TRHDE: variants seen among roughly 807,000 people sequenced by gnomAD.
TRHDE encodes the protein thyrotropin-releasing hormone-degrading ectoenzyme.
Under a neutral mutation model 125.7 loss-of-function variants are expected in TRHDE, and 72 were observed. The ratio of observed to expected loss-of-function variants is 0.57; its 90% CI spans 0.47 to 0.70. The LOEUF (loss-of-function observed/expected upper bound fraction) is 0.70, where lower values mean the gene tolerates loss of function less well. Ranked by LOEUF, TRHDE falls within the 30% of genes least tolerant of loss-of-function variation. TRHDE has a pLI of 0.00. For synonymous variants in TRHDE, 509 were observed against 509.1 expected, an observed-to-expected ratio of 1.00 and a Z score of 0.00; for missense variants, 1,110 against 1,327.1, an observed-to-expected ratio of 0.84 and a Z score of 2.54.
intron 16 of TRHDE, 127 bp from the exon 17 acceptor site, chr12:72,652,889 A>G (rs1874561228): frequency 1.8e-6 from 1 of 563,308 alleles, no homozygotes; most frequent in Non-Finnish European, 2.9e-6. Flanking sequence ...ATAAGTTTGC[A>G]TTATTAAAGA....
intron 3 of TRHDE, among the ~76,000 whole-genome samples, chr12:72,465,245 G>A (rs1239546543): frequency 1.3e-5 from 2 of 151,610 alleles, no homozygotes; most frequent in Non-Finnish European, 2.9e-5. Context: ...GTACAGTAAT[G>A]TACAGTAAGC....
intron 6 of TRHDE, among the ~76,000 whole-genome samples, chr12:72,507,978 A>G (rs1042526920): frequency 3.9e-5 from 6 of 152,208 alleles, no homozygotes; most frequent in Non-Finnish European, 7.3e-5. Context: ...GGTGTAAGCC[A>G]TAACTCTTGG....
chr12:72,240,329 T>TTG (rs1448712895), intron 2 of TRHDE, among the ~76,000 whole-genome samples: 10 of 137,686 alleles, frequency 7.3e-5, no homozygotes. Flanking sequence ...ATATATATAT[T>TTG]TGTGTGTATA....
intron 5 of TRHDE, among the ~76,000 whole-genome samples, chr12:72,490,166 G>T (rs1877597687): frequency 6.6e-6 from 1 of 151,712 alleles, no homozygotes; most frequent in African/African-American, 2.4e-5. Context: ...TGAAAAATGA[G>T]CAGAAGACCA....
rs540434017 is a variant in TRHDE at position 72,373,777 on chromosome 12, G to A, written c.1189-4218G>A. Among the ~76,000 whole-genome samples the A allele has an allele frequency of 7.2e-5, 11 of 152,266 alleles. No homozygotes were observed. In the East Asian group the frequency reaches 1.7e-3, roughly 24 times the overall value. ...AGAATCTCTCTGGTATGTTTGAGGA[G>A]TGAAAAGGAAGCTAGTGTTATGAGT... On this transcript the variant is annotated intron_variant, in intron 2 of 18. Transcript: ENST00000261180.
At chr12:72,118,464 G>A (rs1875499730) in intron 2 of TRHDE, among the ~76,000 whole-genome samples, 1 of 152,084 alleles carries the variant, frequency 6.6e-6, no homozygotes, top group South Asian at 2.1e-4. Flanking sequence ...CTTGTATTTT[G>A]TTGAGGACTT....
chr12:72,147,993 A>G (rs1351231132), intron 2 of TRHDE, among the ~76,000 whole-genome samples: 2 of 152,324 alleles, frequency 1.3e-5, no homozygotes, highest in East Asian at 3.9e-4. Flanking sequence ...ATGTTAATGA[A>G]TTTGTTTTGT....
rs149177723 is a variant in TRHDE at position 72,207,770 on chromosome 12, A to G, written n.279+102018A>G. 3.4e-3 allele frequency among the ~76,000 whole-genome samples: 525 copies of G among 152,308 alleles called. 1 individual carries two copies. Among genetic ancestry groups the G allele is most frequent in the African/African-American group, 0.012 (484 of 41,564 alleles). ...CTCTGCAAGCAATGAAGCCACATTAACATTAATGCCTGCATTTTGCTGCTT... is the reference window on the plus strand; with the variant it reads ...CTCTGCAAGCAATGAAGCCACATTAGCATTAATGCCTGCATTTTGCTGCTT... On this transcript the variant is annotated intron_variant and non_coding_transcript_variant, in intron 2 of 4. Coordinates refer to the TRHDE transcript ENST00000548156.
chr12:72,334,146 C>A (rs933254687), intron 2 of TRHDE, among the ~76,000 whole-genome samples: 1 of 152,110 alleles, frequency 6.6e-6, no homozygotes, highest in African/African-American at 2.4e-5. Context: ...CATTACAGTG[C>A]TCATGGAGAG....
chr12:72,426,002 G>A (rs1233107899), intron 3 of TRHDE, among the ~76,000 whole-genome samples: 1 of 152,004 alleles, frequency 6.6e-6, no homozygotes, highest in African/African-American at 2.4e-5. Flanking sequence ...CCTGGTGACA[G>A]AATCAAACAA....
chr12:72,210,769 T>C (rs182994875), intron 2 of TRHDE, among the ~76,000 whole-genome samples: 1 of 152,342 alleles, frequency 6.6e-6, no homozygotes, highest in Admixed American at 6.5e-5. Context: ...CTAAATAGTA[T>C]AGTCAAAACA....
rs751321165 is a variant in TRHDE at position 72,499,653 on chromosome 12, A to G, written c.1722+18A>G. On this transcript the variant is annotated intron_variant, in intron 6 of 18. Transcript: ENST00000261180. ...ATAAAAAGGTGGGAATAAAGAACAA[A>G]GTGCCAATTAGATATTTCATTACCA... The G allele has an allele frequency of 1.1e-5, 18 of 1,610,910 alleles. 1 individual carries two copies. The highest frequency in any genetic ancestry group is 3.3e-4 in the Middle Eastern group (2 of 6,048).
intron 3 of TRHDE, among the ~76,000 whole-genome samples, chr12:72,462,965 A>C (rs1434893022): frequency 1.3e-5 from 2 of 152,204 alleles, no homozygotes; most frequent in Non-Finnish European, 2.9e-5. Flanking sequence ...ATGAATGCCT[A>C]ATTCAAAGAA....
At chr12:72,162,233 C>A (rs560044523) in intron 2 of TRHDE, among the ~76,000 whole-genome samples, 1 of 152,174 alleles carries the variant, frequency 6.6e-6, no homozygotes, top group Non-Finnish European at 1.5e-5. Flanking sequence ...TATTCCTAGA[C>A]TCTTTAGAAA....
chr12:72,261,647 TAG>T (rs1319783209), intron 2 of TRHDE, among the ~76,000 whole-genome samples: 1 of 152,122 alleles, frequency 6.6e-6, no homozygotes, highest in Non-Finnish European at 1.5e-5. Context: ...TTCAGTTCCA[TAG>T]AGTTTGTGGG....
chr12:72,307,330 A>ATTT lies in TRHDE; in HGVS notation c.1188+20391_1188+20393dup, dbSNP rs11323954. Among the ~76,000 whole-genome samples, 647 of 137,104 alleles carry ATTT rather than the reference A, an allele frequency of 4.7e-3. 5 individuals are homozygous for ATTT. The highest frequency in any genetic ancestry group is 0.016 in the African/African-American group (593 of 36,424). The allele number at this position is 137,104 out of a possible 152,430, so 89.9% of individuals were successfully genotyped here. A position where few individuals can be genotyped will look rare whatever the true frequency, so the allele number is the denominator to read the frequency against. On this transcript the variant is annotated intron_variant, in intron 2 of 18. Transcript: ENST00000261180. ...CAGGCATGCGCCACCATACCCAGCT[A>ATTT]TTTTTTTTTTTTTTTTTGTATTTTT...
intron 9 of TRHDE, among the ~76,000 whole-genome samples, chr12:72,563,740 A>G (rs1870296108): frequency 7.3e-6 from 1 of 136,312 alleles, no homozygotes; most frequent in South Asian, 2.4e-4. Flanking sequence ...TAAAACTTAA[A>G]TCATTCCATT....
intron 3 of TRHDE, among the ~76,000 whole-genome samples, chr12:72,443,005 G>A (rs17111173): frequency 0.091 from 13,732 of 151,692 alleles, 750 homozygotes; most frequent in Admixed American, 0.14. Flanking sequence ...CTATTCTCTT[G>A]CACTCTTCAT....
chr12:72,332,497 G>A (rs2135721187), intron 2 of TRHDE, among the ~76,000 whole-genome samples: 1 of 152,184 alleles, frequency 6.6e-6, no homozygotes, highest in African/African-American at 2.4e-5. Flanking sequence ...CCAGGGGATG[G>A]TGCTAAACCA....
Sources: gnomAD v4.1 joint callset for allele counts (sites outside exome capture counted in the v4.1 genomes callset) on GRCh38, gnomAD v4.1.1 for gene constraint, MANE v1.5 for transcripts, NCBI Gene and HGNC (gene_info 2026-07-23, HGNC 2026-07-21) for gene names.